Variants in OSBPL6 observed in about 807,000 individuals in gnomAD.
The protein encoded by OSBPL6 is oxysterol binding protein like 6.
OSBPL6 carries 49 observed loss-of-function variants against 125.8 expected under a neutral mutation model. That is an observed-to-expected ratio of 0.39 (90% confidence interval 0.31 to 0.49). The LOEUF (loss-of-function observed/expected upper bound fraction) is 0.49, where lower values mean the gene tolerates loss of function less well. OSBPL6 is among the 20% of genes least tolerant of loss of function. The pLI, the probability that OSBPL6 is intolerant of heterozygous loss-of-function variation, is 0.88. For missense variants in OSBPL6, 986 were observed against 1,135.4 expected (o/e 0.87, Z 1.89); for synonymous variants, 394 against 391.8 (o/e 1.01, Z -0.07).
chr2:178,385,830 G>T (rs1694889259), intron 19 of OSBPL6, among the ~76,000 whole-genome samples: 1 of 152,182 alleles, frequency 6.6e-6, no homozygotes, highest in Non-Finnish European at 1.5e-5. Flanking sequence ...TAACATGGAG[G>T]TTCCATCTGC....
At chr2:178,387,603 G>A (rs1189324281) in intron 20 of OSBPL6, among the ~76,000 whole-genome samples, 1 of 152,180 alleles carries the variant, frequency 6.6e-6, no homozygotes, top group South Asian at 2.1e-4. Context: ...GGACTTGATT[G>A]TTTCTTCGGT....
intron 1 of OSBPL6, among the ~76,000 whole-genome samples, chr2:178,227,531 A>C (rs2090614825): frequency 6.6e-6 from 1 of 152,212 alleles, no homozygotes; most frequent in Admixed American, 6.5e-5. Flanking sequence ...ACATATAAAA[A>C]ACTTGGGAAA....
Position 178,387,089 on chromosome 2 carries a change from G to C in OSBPL6, c.2106G>C (p.Gly702=), listed in dbSNP as rs775259528. 1.2e-6 allele frequency: 2 copies of C among 1,611,852 alleles called. No homozygotes were observed. Among genetic ancestry groups the C allele is most frequent in the South Asian group, 2.2e-5 (2 of 90,978 alleles). Residue 702 remains glycine, a synonymous_variant, in exon 20 of 25, where the codon GGG becomes GGC. Coordinates refer to ENST00000190611, the MANE Select transcript of OSBPL6 (RefSeq NM_032523.4). ...QDIRWKNKFW[G]KSMEILPVGT... ...TCAGATGGAAAAACAAGTTCTGGGG[G>C]AAGTCGATGGAAATCCTGCCTGTTG...
chr2:178,272,515 A>G (rs1274069060), intron 1 of OSBPL6, among the ~76,000 whole-genome samples: 1 of 152,164 alleles, frequency 6.6e-6, no homozygotes, highest in African/African-American at 2.4e-5. Flanking sequence ...TGATTTATCT[A>G]ATTTGGAAGT....
chr2:178,245,618 G>T (rs1175668995), intron 1 of OSBPL6, among the ~76,000 whole-genome samples: 1 of 152,174 alleles, frequency 6.6e-6, no homozygotes, highest in Non-Finnish European at 1.5e-5. Context: ...AAGTATACGT[G>T]GGATAACTAG....
chr2:178,209,439 CTTTTTT>C (rs71850875), intron 1 of OSBPL6, among the ~76,000 whole-genome samples: 1 of 95,758 alleles, frequency 1.0e-5, no homozygotes, highest in Non-Finnish European at 2.1e-5. Context: ...TTCTTTCTTT[CTTTTTT>C]TTTTTTTTTT....
chr2:178,287,190 A>C (rs1042629023), intron 2 of OSBPL6, among the ~76,000 whole-genome samples: 4 of 151,864 alleles, frequency 2.6e-5, no homozygotes, highest in Admixed American at 2.0e-4. Context: ...TACTTAAAAA[A>C]TAAGATTTAC....
intron 15 of OSBPL6, among the ~76,000 whole-genome samples, chr2:178,374,391 C>T (rs1054425275): frequency 5.9e-5 from 9 of 152,126 alleles, no homozygotes; most frequent in African/African-American, 1.7e-4. Context: ...AGGAAAGCAC[C>T]GTTCATGCGC....
intron 14 of OSBPL6, among the ~76,000 whole-genome samples, chr2:178,373,036 C>T (rs1402442239): frequency 1.3e-5 from 2 of 152,138 alleles, no homozygotes; most frequent in Admixed American, 6.5e-5. Context: ...TTAACTGATA[C>T]TAAGGTCATA....
At chr2:178,387,288 C>G (rs1301044646) in intron 20 of OSBPL6, 149 bp downstream of exon 20, 2 of 591,276 alleles carry the variant, frequency 3.4e-6, no homozygotes, top group South Asian at 2.2e-5. Context: ...TAGACTCCCA[C>G]AAAAACAAAT....
intron 1 of OSBPL6, among the ~76,000 whole-genome samples, chr2:178,232,902 C>G (rs746439663): frequency 6.6e-6 from 1 of 152,160 alleles, no homozygotes; most frequent in Non-Finnish European, 1.5e-5. Context: ...ACGCTGAACT[C>G]CTGTCTCTGA....
intron 12 of OSBPL6, among the ~76,000 whole-genome samples, chr2:178,357,154 A>T (rs1194077355): frequency 1.3e-5 from 2 of 152,232 alleles, no homozygotes; most frequent in African/African-American, 4.8e-5. Context: ...AACCTTAGCA[A>T]TACTATTCAG....
rs561461727 is a variant in OSBPL6, at chr2:178,350,937, T to G, written c.1153+1548T>G. 1.2e-4 allele frequency among the ~76,000 whole-genome samples: 18 copies of G among 152,298 alleles called. No homozygotes were observed. In the East Asian group the frequency reaches 3.3e-3, roughly 28 times the overall value. On this transcript the variant is annotated intron_variant, in intron 12 of 24. Coordinates refer to ENST00000190611, the MANE Select transcript of OSBPL6 (RefSeq NM_032523.4). ...GGAAATCCAAGCATCAACAGAGTTT[T>G]AAGGCTTCTGTTGAATGATACATCA... is the stretch of plus-strand genomic sequence containing the variant.
intron 15 of OSBPL6, among the ~76,000 whole-genome samples, chr2:178,379,569 A>G (rs570257345): frequency 3.3e-5 from 5 of 152,360 alleles, no homozygotes; most frequent in Non-Finnish European, 4.4e-5. Context: ...TTCTTAACAA[A>G]TGTTCAAACA....
intron 24 of OSBPL6, among the ~76,000 whole-genome samples, chr2:178,395,089 A>C (rs1559335033): frequency 1.3e-5 from 2 of 152,036 alleles, no homozygotes; most frequent in Non-Finnish European, 2.9e-5. Flanking sequence ...AGAGCTACTG[A>C]TATTGCATAC....
chr2:178,305,870 T>C (rs1686717755), intron 2 of OSBPL6, among the ~76,000 whole-genome samples, 160 bp from the exon 3 acceptor site: 1 of 145,604 alleles, frequency 6.9e-6, no homozygotes. Context: ...TTTTACACAC[T>C]GACACTTTCA....
At chr2:178,337,834 A>G (rs2154080756) in intron 9 of OSBPL6, among the ~76,000 whole-genome samples, 1 of 152,312 alleles carries the variant, frequency 6.6e-6, no homozygotes, top group Admixed American at 6.5e-5. Flanking sequence ...AGCACCATTT[A>G]TATAGAACAA....
At chr2:178,221,092 CT>C (rs1335515483) in intron 1 of OSBPL6, among the ~76,000 whole-genome samples, 1 of 152,156 alleles carries the variant, frequency 6.6e-6, no homozygotes, top group Non-Finnish European at 1.5e-5. Flanking sequence ...TAAAGAGGCT[CT>C]TTGTTTCCCC....
chr2:178,307,806 C>T (rs1451207291), intron 3 of OSBPL6, among the ~76,000 whole-genome samples: 1 of 152,038 alleles, frequency 6.6e-6, no homozygotes, highest in Admixed American at 6.6e-5. Flanking sequence ...CCCGGCTCAC[C>T]CTGGAGAATT....
Sources: allele counts gnomAD v4.1 joint callset (sites outside exome capture counted in the v4.1 genomes callset), GRCh38; gene constraint gnomAD v4.1.1; transcripts MANE v1.5; gene names NCBI Gene and HGNC (gene_info 2026-07-23, HGNC 2026-07-21).